Variants in NFATC1 observed in about 807,000 individuals in gnomAD.
The protein encoded by NFATC1 is nuclear factor of activated T-cells, cytoplasmic 1.
In NFATC1, 22 loss-of-function variants were observed where a neutral mutation model predicts 76.0. The ratio of observed to expected loss-of-function variants is 0.29; its 90% CI spans 0.21 to 0.41. The LOEUF is 0.41. NFATC1 is among the 10% of genes least tolerant of loss of function. The pLI is 1.00. For synonymous variants in NFATC1, 704 were observed against 613.1 expected, an observed-to-expected ratio of 1.15 and a Z score of -2.19; for missense variants, 1,357 against 1,337.7, an observed-to-expected ratio of 1.01 and a Z score of -0.23.
intron 8 of NFATC1, among the ~76,000 whole-genome samples, chr18:79,473,164 C>T (rs2088855810): frequency 6.6e-6 from 1 of 152,260 alleles, no homozygotes. Flanking sequence ...TCCAGGTCGC[C>T]ACAGGGGTGA....
At chr18:79,494,051 G>A (rs561960048) in intron 9 of NFATC1, among the ~76,000 whole-genome samples, 4 of 152,348 alleles carry the variant, frequency 2.6e-5, no homozygotes, top group South Asian at 2.1e-4. Context: ...CCGAGGTGAG[G>A]CGGCCACCAG....
chr18:79,446,699 G>T (rs1435597685), intron 3 of NFATC1, among the ~76,000 whole-genome samples: 2 of 152,202 alleles, frequency 1.3e-5, no homozygotes, highest in Non-Finnish European at 2.9e-5. Flanking sequence ...ATTCATATGG[G>T]AAGGGGGGCT....
At chr18:79,402,615 T>C (rs897905426) in intron 1 of NFATC1, among the ~76,000 whole-genome samples, 1 of 152,074 alleles carries the variant, frequency 6.6e-6, no homozygotes, top group Non-Finnish European at 1.5e-5. Context: ...GCTTTAGGAG[T>C]TGGGGCTCCG....
At chr18:79,451,480 C>T (rs1470096994) in intron 5 of NFATC1, among the ~76,000 whole-genome samples, 196 bp from the exon 6 acceptor site, 2 of 152,238 alleles carry the variant, frequency 1.3e-5, no homozygotes, top group Admixed American at 6.5e-5. Flanking sequence ...TTCTTCAGAA[C>T]GAGGTGGAGA....
At chr18:79,442,227 G>C (rs571730824) in intron 3 of NFATC1, among the ~76,000 whole-genome samples, 24 of 152,322 alleles carry the variant, frequency 1.6e-4, no homozygotes, top group African/African-American at 4.6e-4. Context: ...GAGACGTGGA[G>C]ACCCGCGTGC....
At chr18:79,447,094 C>T (rs1298498288) in intron 3 of NFATC1, among the ~76,000 whole-genome samples, 1 of 152,156 alleles carries the variant, frequency 6.6e-6, no homozygotes, top group African/African-American at 2.4e-5. Flanking sequence ...TCACTGTGGC[C>T]TCCTCCCTGG....
intron 1 of NFATC1, among the ~76,000 whole-genome samples, chr18:79,402,749 C>T (rs538781171): frequency 4.6e-5 from 7 of 152,300 alleles, no homozygotes; most frequent in African/African-American, 1.4e-4. Context: ...CGTGAGACAC[C>T]GTGCTGTTTT....
intron 8 of NFATC1, among the ~76,000 whole-genome samples, chr18:79,482,690 A>G (rs1207469208): frequency 7.6e-6 from 1 of 131,260 alleles, no homozygotes; most frequent in Non-Finnish European, 1.6e-5. Flanking sequence ...GTGTAATTCC[A>G]GCATGACCTG....
chr18:79,475,642 CT>C lies in NFATC1; in HGVS notation c.2092+8061del, dbSNP rs1170629678. On this transcript the variant is annotated intron_variant, in intron 8 of 9. Coordinates refer to ENST00000427363, the MANE Select transcript of NFATC1 (RefSeq NM_001278669.2). ...TGAGGGAAGCGTGTTCTCACGCTCA[CT>C]GTCAACGTTGTAAACCTGAGGGAAA... Among the ~76,000 whole-genome samples the C allele has an allele frequency of 5.3e-5, 8 of 152,366 alleles. No homozygotes were observed. In the East Asian group the frequency reaches 1.5e-3, roughly 29 times the overall value.
chr18:79,411,136 G>T lies in NFATC1; in HGVS notation c.861G>T (p.Pro287=), dbSNP rs142009203. The change falls in exon 2 of 10, where the codon CCG becomes CCT. Residue 287 remains proline, a synonymous_variant. Transcript: ENST00000427363. ...YSPHHSPTPS[P]HGSPRVSVTD... Reference sequence around the variant, plus strand: ...CCCACCACTCGCCCACGCCGTCCCCGCACGGCTCCCCGCGGGTCAGCGTGA... The same window carrying T: ...CCCACCACTCGCCCACGCCGTCCCCTCACGGCTCCCCGCGGGTCAGCGTGA... The T allele has an allele frequency of 5.0e-6, 8 of 1,612,276 alleles. No individual in the cohort carries two copies. The highest frequency in any genetic ancestry group is 1.7e-6 in the Non-Finnish European group (2 of 1,179,760).
intron 8 of NFATC1, chr18:79,468,992 C>A (rs2088663294): frequency 1.4e-5 from 2 of 146,096 alleles, no homozygotes; most frequent in African/African-American, 5.4e-5. Flanking sequence ...TGGGGAAGAG[C>A]CTCACGCTCT....
chr18:79,404,347 A>G (rs1366967275), intron 1 of NFATC1, among the ~76,000 whole-genome samples: 1 of 152,100 alleles, frequency 6.6e-6, no homozygotes, highest in Non-Finnish European at 1.5e-5. Context: ...TTGTTGGGGG[A>G]ACGGCGTCTG....
At chr18:79,441,838 C>T (rs375214492) in intron 3 of NFATC1, among the ~76,000 whole-genome samples, 2 of 152,048 alleles carry the variant, frequency 1.3e-5, no homozygotes, top group African/African-American at 2.4e-5. Flanking sequence ...ATGATTCTCT[C>T]TCCATAGAAG....
chr18:79,396,272 T>A lies in NFATC1; in HGVS notation c.48T>A (p.Pro16=). ...TCCCTTCCAAGTTTCCACTTGGCCCTGCGGCTGCGGTCTTCGGGAGAGGAG... is the reference window on the plus strand; with the variant it reads ...TCCCTTCCAAGTTTCCACTTGGCCCAGCGGCTGCGGTCTTCGGGAGAGGAG... ...FPVPSKFPLG[P]AAAVFGRGET... is the part of the protein sequence containing the mutation. Residue 16 remains proline (P), a synonymous_variant, in exon 1 of 10, where the codon CCT becomes CCA. Coordinates refer to ENST00000427363, the MANE Select transcript of NFATC1 (RefSeq NM_001278669.2). 1.4e-6 allele frequency: 2 copies of A among 1,472,620 alleles called. No individual in the cohort carries two copies. Among genetic ancestry groups the A allele is most frequent in the Non-Finnish European group, 1.8e-6 (2 of 1,102,194 alleles). The allele number at this position is 1,472,620 out of a possible 1,614,324, so 91.2% of individuals were successfully genotyped here.
chr18:79,457,158 G>C (rs2087776914), intron 6 of NFATC1, among the ~76,000 whole-genome samples: 1 of 152,232 alleles, frequency 6.6e-6, no homozygotes, highest in Non-Finnish European at 1.5e-5. Flanking sequence ...TTTGGGAGCA[G>C]GACAGGTGGC....
intron 4 of NFATC1, among the ~76,000 whole-genome samples, chr18:79,449,217 A>T (rs1013772054): frequency 6.6e-6 from 1 of 152,266 alleles, no homozygotes; most frequent in African/African-American, 2.4e-5. Context: ...ATATGCAGCT[A>T]TAAATACCTC....
At chr18:79,482,433 T>TC (rs2145034928) in intron 8 of NFATC1, among the ~76,000 whole-genome samples, 1 of 140,468 alleles carries the variant, frequency 7.1e-6, no homozygotes, top group East Asian at 2.3e-4. Context: ...CAGCGTGACC[T>TC]GGTCCTGGGG....
intron 6 of NFATC1, chr18:79,452,054 C>T (rs2087498556): frequency 2.3e-6 from 1 of 434,384 alleles, no homozygotes; most frequent in Non-Finnish European, 4.0e-6. Context: ...GCCGCCGGGG[C>T]CACTGCACTC....
chr18:79,411,088 C>G lies in NFATC1; in HGVS notation c.813C>G (p.Asn271Lys), dbSNP rs367845640. The G allele has an allele frequency of 1.4e-5, 22 of 1,611,996 alleles. No homozygotes were observed. The highest frequency in any genetic ancestry group is 5.9e-6 in the Non-Finnish European group (7 of 1,179,566). Reference sequence around the variant, plus strand: ...GCAACAAGAGGAAGTACAGCCTCAACGGCCGGCAGCCGCCCTACTCACCCC... The same window carrying G: ...GCAACAAGAGGAAGTACAGCCTCAAGGGCCGGCAGCCGCCCTACTCACCCC... ...SPCNKRKYSL[N>K]GRQPPYSPHH... The change falls in exon 2 of 10, where the codon AAC becomes AAG. Residue 271 changes from asparagine (N) to lysine (K), a missense_variant. By Grantham distance (94) the Asn-to-Lys change is moderately conservative. This residue lies in a region of NFATC1 where 691 missense variants were observed against 613.1 expected (regional missense o/e 1.13). Coordinates refer to ENST00000427363, the MANE Select transcript of NFATC1 (RefSeq NM_001278669.2).
Sources: gnomAD v4.1 joint callset for allele counts (sites outside exome capture counted in the v4.1 genomes callset) on GRCh38, gnomAD v4.1.1 for gene constraint, gnomAD v4.1.1 regional missense constraint, MANE v1.5 for transcripts, NCBI Gene and HGNC (gene_info 2026-07-23, HGNC 2026-07-21) for gene names.